PUS3: variants seen among roughly 807,000 people sequenced by gnomAD.
The protein encoded by PUS3 is tRNA pseudouridine(38/39) synthase.
Under a neutral mutation model 43.3 loss-of-function variants are expected in PUS3, and 36 were observed. The ratio of observed to expected loss-of-function variants is 0.83; its 90% CI spans 0.64 to 1.10. PUS3 has a LOEUF of 1.10. Ranked by LOEUF, PUS3 falls within the 50% of genes least tolerant of loss-of-function variation. The probability of loss-of-function intolerance (pLI) is 0.00; values close to 1 mark genes in which losing one functional copy is unlikely to be tolerated. For synonymous variants in PUS3, 183 were observed against 199.2 expected (o/e 0.92, Z 0.69); for missense variants, 544 against 589.9 (o/e 0.92, Z 0.81).
intron 1 of PUS3, chr11:125,899,348 T>C: frequency 6.2e-7 from 1 of 1,609,172 alleles, no homozygotes; most frequent in Non-Finnish European, 8.5e-7. Flanking sequence ...TTGCAGAAGG[T>C]CCTACAGTGT....
Position 125,895,462 on chromosome 11 carries a change from T to C in PUS3, c.706A>G (p.Asn236Asp), listed in dbSNP as rs1481869478. 6.2e-7 allele frequency: 1 copy of C among 1,614,142 alleles called. No individual in the cohort carries two copies. Residue 236 changes from asparagine to aspartate, a missense_variant, in exon 3 of 4, where the codon AAT (asparagine) becomes GAT (aspartate). By Grantham distance (23) the Asn-to-Asp change is conservative (BLOSUM62 1). Coordinates refer to ENST00000227474, the MANE Select transcript of PUS3 (RefSeq NM_031307.4). ...GCAGATAGAATAGTCCTCTGAAAAT[T>C]AATCACACCGTTGGCTACATCCATT... ...CKMDVANGVINFQRTILSAQV... is the reference protein window; with the variant it reads ...CKMDVANGVIDFQRTILSAQV...
At chr11:125,900,998 GA>G (rs1944755938) in intron 1 of PUS3, among the ~76,000 whole-genome samples, 1 of 100,100 alleles carries the variant, frequency 1.0e-5, no homozygotes, top group African/African-American at 3.9e-5. Flanking sequence ...GCGACAGCGA[GA>G]CTCCGTCTCA....
At chr11:125,900,996 G>C (rs1282862688) in intron 1 of PUS3, among the ~76,000 whole-genome samples, 1 of 111,368 alleles carries the variant, frequency 9.0e-6, no homozygotes, top group Non-Finnish European at 1.9e-5. Context: ...GGGCGACAGC[G>C]AGACTCCGTC....
rs920713675 is a variant in PUS3 at position 125,899,762 on chromosome 11, A to G, written c.-47+3408T>C. 1.9e-6 allele frequency: 3 copies of G among 1,614,134 alleles called. No homozygotes were observed. The African/African-American group carries it at 4.0e-5, about 22-fold the overall frequency. ...AAATGATCAGGATCTCTGGGACTTA[A>G]GACAAAGGCTGATGAATGTACAGTT... is the stretch of plus-strand genomic sequence containing the variant. On this transcript the variant is annotated intron_variant, in intron 1 of 3. Coordinates refer to ENST00000227474, the MANE Select transcript of PUS3 (RefSeq NM_031307.4).
At chr11:125,899,558 C>G in intron 1 of PUS3, 1 of 1,614,180 alleles carries the variant, frequency 6.2e-7, no homozygotes, top group Non-Finnish European at 8.5e-7. Flanking sequence ...GCGACCTGCT[C>G]TTCCTGTGCA....
intron 1 of PUS3, among the ~76,000 whole-genome samples, chr11:125,901,905 C>T (rs1169550544): frequency 6.6e-6 from 1 of 152,062 alleles, no homozygotes; most frequent in Non-Finnish European, 1.5e-5. Flanking sequence ...CAAAACCTAA[C>T]GAGTAGTGGG....
At chr11:125,894,587 T>C (rs1944517651) in intron 3 of PUS3, among the ~76,000 whole-genome samples, 1 of 152,216 alleles carries the variant, frequency 6.6e-6, no homozygotes, top group African/African-American at 2.4e-5. Context: ...TCCAAATTTG[T>C]TAATGGCATT....
chr11:125,896,671 C>T (rs1420690220), intron 1 of PUS3, among the ~76,000 whole-genome samples: 1 of 152,158 alleles, frequency 6.6e-6, no homozygotes, highest in African/African-American at 2.4e-5. Context: ...AAAACATTTC[C>T]ATTTGATTTC....
rs772820066 is a variant in PUS3, at chr11:125,899,636, C to A, written c.-46-3306G>T. ...AGTCTCTGAGGCCTCCCAAAGACTC[C>A]GAAAGCCAGTGATGAAGAGAAAGGT... is the stretch of plus-strand genomic sequence containing the variant. On this transcript the variant is annotated intron_variant, in intron 1 of 3. Coordinates refer to ENST00000227474, the MANE Select transcript of PUS3 (RefSeq NM_031307.4). 4.3e-6 allele frequency: 7 copies of A among 1,614,066 alleles called. No homozygotes were observed. The Middle Eastern group carries it at 9.9e-4, about 228-fold the overall frequency.
At chr11:125,894,840 A>G (rs1253650127) in intron 3 of PUS3, among the ~76,000 whole-genome samples, 2 of 152,182 alleles carry the variant, frequency 1.3e-5, no homozygotes, top group Non-Finnish European at 2.9e-5. Flanking sequence ...AGAAACACCA[A>G]TGATGTAGAA....
chr11:125,899,808 C>T lies in PUS3; in HGVS notation c.-47+3362G>A, dbSNP rs780414948. 3.7e-6 allele frequency: 6 copies of T among 1,614,198 alleles called. No individual in the cohort carries two copies. Among genetic ancestry groups the T allele is most frequent in the Non-Finnish European group, 4.2e-6 (5 of 1,180,016 alleles). On this transcript the variant is annotated intron_variant, in intron 1 of 3. Transcript: ENST00000227474. ...CAGTTCCAGGAAGACAAGGAATCTT[C>T]ATTTGATGTTTCACAAAAATTTAAC... is the stretch of plus-strand genomic sequence containing the variant.
At position 125,896,040 on chromosome 11, in the gene PUS3, T is replaced by G. The variant is rs756764206; in HGVS notation, c.245A>C (p.Gln82Pro). The change falls in exon 2 of 4, where the codon CAG (glutamine) becomes CCG (proline). Residue 82 changes from glutamine (Q) to proline (P), a missense_variant. Physicochemically the swap from Gln to Pro is moderately conservative, Grantham distance 76. Coordinates refer to ENST00000227474, the MANE Select transcript of PUS3 (RefSeq NM_031307.4). ...MGWGYQGFAS[Q>P]ENTNNTIEEK... ...TTCAATGGTATTATTTGTGTTTTCC[T>G]GACTAGCAAAGCCCTGGTATCCCCA... 60 of 1,614,116 alleles carry G rather than the reference T, an allele frequency of 3.7e-5. No homozygotes were observed.
chr11:125,893,683 T>A lies in PUS3; in HGVS notation c.*102A>T. The A allele has an allele frequency of 4.9e-6, 4 of 823,014 alleles. No homozygotes were observed. In the South Asian group the frequency reaches 1.2e-4, roughly 25 times the overall value. 51.0% of individuals were successfully genotyped at this position (823,014 alleles called of 1,614,324 possible). On this transcript the variant is annotated 3_prime_UTR_variant, in exon 4 of 4. Transcript: ENST00000227474. ...TTGCTTTTTTTTTTCTTTTAAGAGC[T>A]GATCATCTGAATTCCTAGTACTTGC...
chr11:125,896,235 CTT>C lies in PUS3; in HGVS notation c.48_49del (p.Arg17SerfsTer12). 6.2e-7 allele frequency: 1 copy of C among 1,613,826 alleles called. No homozygotes were observed. The highest frequency in any genetic ancestry group is 8.5e-7 in the Non-Finnish European group (1 of 1,179,794). On this transcript the variant is annotated frameshift_variant, in exon 2 of 4. Transcript: ENST00000227474. LOFTEE classifies it high-confidence loss of function. Reference sequence around the variant, plus strand: ...CACCTCTTGCTCCAGTTCTCGTACTCTTTTTAGGAGCTTCTCAGTCTGGTTTC... The same window carrying C: ...CACCTCTTGCTCCAGTTCTCGTACTCTTTAGGAGCTTCTCAGTCTGGTTTC...
In PUS3 at chr11:125,896,303, A is replaced by G; in HGVS notation, c.-19T>C. 2 of 1,588,976 alleles carry G rather than the reference A, an allele frequency of 1.3e-6. No individual in the cohort carries two copies. On this transcript the variant is annotated 5_prime_UTR_variant, in exon 2 of 4. Transcript: ENST00000227474. ...AAGCCATGATATGACAACCCCAGGAATAAACGAACCATACAGGTCTGCCCT... is the reference window on the plus strand; with the variant it reads ...AAGCCATGATATGACAACCCCAGGAGTAAACGAACCATACAGGTCTGCCCT...
In PUS3 at chr11:125,896,426, T is replaced by C. The variant is rs1034955514; in HGVS notation, c.-46-96A>G. ...GATTTAATTTAATGCCCAAAGAATA[T>C]ACTTTTGCTTTTCCAGGAATACAAG... On this transcript the variant is annotated intron_variant, in intron 1 of 3. Coordinates refer to ENST00000227474, the MANE Select transcript of PUS3 (RefSeq NM_031307.4). 6.9e-6 allele frequency: 6 copies of C among 870,346 alleles called. No individual in the cohort carries two copies. In the African/African-American group the frequency reaches 9.9e-5, roughly 14 times the overall value. The allele number at this position is 870,346 out of a possible 1,614,324, so 53.9% of individuals were successfully genotyped here. A position where few individuals can be genotyped will look rare whatever the true frequency, so the allele number is the denominator to read the frequency against.
chr11:125,901,726 T>G (rs1027237719), intron 1 of PUS3, among the ~76,000 whole-genome samples: 2 of 152,218 alleles, frequency 1.3e-5, no homozygotes, highest in Non-Finnish European at 2.9e-5. Flanking sequence ...CGCAAAAAAG[T>G]AGAAACTGCA....
chr11:125,894,247 C>T lies in PUS3; in HGVS notation c.984G>A (p.Lys328=), dbSNP rs1944506474. The change falls in exon 4 of 4, where the codon AAG becomes AAA. Residue 328 remains lysine, a synonymous_variant. Coordinates refer to ENST00000227474, the MANE Select transcript of PUS3 (RefSeq NM_031307.4). ...CATAGATCCACTTGACATTTTCAAA[C>T]TTACAGTCATATAAGACTAGAGGAA... ...VEFPLVLYDC[K]FENVKWIYDQ... is the part of the protein sequence containing the mutation. 1.2e-6 allele frequency: 2 copies of T among 1,612,786 alleles called. No homozygotes were observed. Among genetic ancestry groups the T allele is most frequent in the Non-Finnish European group, 1.7e-6 (2 of 1,178,964 alleles).
chr11:125,900,261 C>T (rs780805051), intron 1 of PUS3: 7 of 1,613,830 alleles, frequency 4.3e-6, no homozygotes, highest in Admixed American at 1.7e-5. Flanking sequence ...CCTCTTTCTC[C>T]TTCTTAAATC....
Sources: gnomAD v4.1 joint callset for allele counts (sites outside exome capture counted in the v4.1 genomes callset) on GRCh38, gnomAD v4.1.1 for gene constraint, MANE v1.5 for transcripts, NCBI Gene and HGNC (gene_info 2026-07-23, HGNC 2026-07-21) for gene names.